The following SELENBP1 variants were observed in gnomAD, a reference collection of about 807,000 sequenced individuals.
The protein encoded by SELENBP1 is methanethiol oxidase.
Under a neutral mutation model 61.0 loss-of-function variants are expected in SELENBP1, and 71 were observed. That is an observed-to-expected ratio of 1.16 (90% CI 0.96 to 1.42). The LOEUF (loss-of-function observed/expected upper bound fraction) is 1.42, where lower values mean the gene tolerates loss of function less well. SELENBP1 is among the 40% of genes most tolerant of loss of function. SELENBP1 has a pLI of 0.00. For synonymous variants in SELENBP1, 270 were observed against 238.9 expected (o/e 1.13, Z -1.20); for missense variants, 561 against 605.0 (o/e 0.93, Z 0.76).
At chr1:151,371,152 G>A (rs982721319) in intron 1 of SELENBP1, among the ~76,000 whole-genome samples, 6 of 152,180 alleles carry the variant, frequency 3.9e-5, no homozygotes, top group African/African-American at 1.4e-4. Flanking sequence ...GGGAGGCTGA[G>A]GCGGAAAGAT....
chr1:151,366,009 G>A (rs1368880312), intron 7 of SELENBP1, 163 bp from the exon 8 acceptor site: 6 of 783,076 alleles, frequency 7.7e-6, no homozygotes, highest in African/African-American at 1.7e-5. Flanking sequence ...CTTGAGGCAG[G>A]GGTTGTGTCT....
chr1:151,369,463 G>A lies in SELENBP1; in HGVS notation c.153C>T (p.Pro51=), dbSNP rs755261394. 6.2e-6 allele frequency: 10 copies of A among 1,612,580 alleles called. No homozygotes were observed. The Admixed American group carries it at 1.7e-4, about 27-fold the overall frequency. Residue 51 remains proline (P), a synonymous_variant, in exon 3 of 12, where the codon CCC becomes CCT. Coordinates refer to ENST00000368868, the MANE Select transcript of SELENBP1 (RefSeq NM_003944.4). ...TAACCTGGCAATACTGGGGAGACTT[G>A]GGGTCAACATCCACAGTGGCCAGAT... ...PDYLATVDVD[P]KSPQYCQVIH... is the part of the protein sequence containing the mutation.
chr1:151,367,145 T>C (rs1456253713), intron 5 of SELENBP1: 3 of 961,416 alleles, frequency 3.1e-6, no homozygotes. Flanking sequence ...GAGTTCAGGA[T>C]CAGCCTGGCC....
chr1:151,365,910 T>G lies in SELENBP1; in HGVS notation c.844-64A>C. 3.8e-6 allele frequency: 6 copies of G among 1,570,754 alleles called. No homozygotes were observed. In the Admixed American group the frequency reaches 1.0e-4, roughly 27 times the overall value. On this transcript the variant is annotated intron_variant, in intron 7 of 11. Transcript: ENST00000368868. ...AGGTCAGCCTATCAGAATTGGGGACTAGGGGTTAGATCTGGGTTGCCCAGA... is the reference window on the plus strand; with the variant it reads ...AGGTCAGCCTATCAGAATTGGGGACGAGGGGTTAGATCTGGGTTGCCCAGA...
In SELENBP1 at chr1:151,366,829, A is replaced by G. The variant is rs778791163; in HGVS notation, c.557T>C (p.Leu186Ser). Residue 186 changes from leucine (L) to serine (S), a missense_variant, in exon 6 of 12, where the codon TTG becomes TCG. By Grantham distance (145) the Leu-to-Ser change is moderately radical. Transcript: ENST00000368868. ...TWERPGGAAP[L>S]GYDFWYQPRH... The stretch of plus-strand genomic sequence containing the variant: ...AGGCTGGTACCAGAAGTCATAGCCC[A>G]ACGGTGCAGCACCCCCAGGTCTCTC... The G allele has an allele frequency of 6.2e-7, 1 of 1,614,124 alleles. No individual in the cohort carries two copies. The highest frequency in any genetic ancestry group is 1.7e-5 in the Admixed American group (1 of 60,014).
At position 151,365,638 on chromosome 1, in the gene SELENBP1, G is replaced by A. The variant is rs1160428144; in HGVS notation, c.969C>T (p.Tyr323=). ...GGTCCCCATGCAGCCAGTTGCTGAAGTAGAGGAAGCGGTCGTCCAGGGAGA... is the reference window on the plus strand; with the variant it reads ...GGTCCCCATGCAGCCAGTTGCTGAAATAGAGGAAGCGGTCGTCCAGGGAGA... ...ILLSLDDRFL[Y]FSNWLHGDLR... The change falls in exon 9 of 12, where the codon TAC becomes TAT. Residue 323 remains tyrosine (Y), a synonymous_variant. Transcript: ENST00000368868. 1.2e-6 allele frequency: 2 copies of A among 1,614,098 alleles called. No individual in the cohort carries two copies. The highest frequency in any genetic ancestry group is 1.7e-5 in the Admixed American group (1 of 60,008).
rs1012657750 is a variant in SELENBP1, at chr1:151,368,294, G to A, written c.386C>T (p.Ala129Val). ...GTGGAGAAAGGCCAGTTCGCACTTGGCATGGATGTCCTTGGGCTCAATGAC... is the reference window on the plus strand; with the variant it reads ...GTGGAGAAAGGCCAGTTCGCACTTGACATGGATGTCCTTGGGCTCAATGAC... ...HKVIEPKDIH[A>V]KCELAFLHTS... Residue 129 changes from alanine (A) to valine (V), a missense_variant, in exon 5 of 12, where the codon GCC becomes GTC. Physicochemically the swap from Ala to Val is moderately conservative, Grantham distance 64. Coordinates refer to ENST00000368868, the MANE Select transcript of SELENBP1 (RefSeq NM_003944.4). 1.9e-6 allele frequency: 3 copies of A among 1,614,208 alleles called. No individual in the cohort carries two copies. The East Asian group carries it at 6.7e-5, about 36-fold the overall frequency.
Position 151,365,260 on chromosome 1 carries a change from C to A in SELENBP1, c.1066G>T (p.Val356Phe). The change falls in exon 10 of 12, where the codon GTT (valine) becomes TTT (phenylalanine). Residue 356 changes from valine to phenylalanine, a missense_variant. Transcript: ENST00000368868. ...TGQLFLGGSIVKGGPVQVLED... is the reference protein window; with the variant it reads ...TGQLFLGGSIFKGGPVQVLED... ...AGCACTTGCACAGGGCCTCCCTTAA[C>A]AATGCTGCCTCCGAGGAAGAGCTAG... 1.2e-6 allele frequency: 2 copies of A among 1,613,058 alleles called. No individual in the cohort carries two copies. Among genetic ancestry groups the A allele is most frequent in the Non-Finnish European group, 1.7e-6 (2 of 1,179,558 alleles).
chr1:151,370,008 C>T, intron 1 of SELENBP1: 1 of 1,440,816 alleles, frequency 6.9e-7, no homozygotes, highest in South Asian at 1.5e-5. Flanking sequence ...CCAGCAGGGC[C>T]CCGGGAGGGT....
At chr1:151,372,019 G>A (rs1489507683) in intron 1 of SELENBP1, among the ~76,000 whole-genome samples, 1 of 137,952 alleles carries the variant, frequency 7.2e-6, no homozygotes, top group Non-Finnish European at 1.7e-5. Context: ...CCCCGAGCGG[G>A]GAAGGACCTC....
chr1:151,369,583 C>T lies in SELENBP1; in HGVS notation c.62-29G>A, dbSNP rs12031439. ...CACGGTAGAAAGCAGGCAGCAGGGA[C>T]GGCAGGGTGGGAAGGAAAGGTAGGG... On this transcript the variant is annotated intron_variant, in intron 2 of 11. Transcript: ENST00000368868. 2.9e-4 allele frequency: 459 copies of T among 1,580,428 alleles called. 2 individuals carry two copies. In the East Asian group the frequency reaches 8.8e-3, roughly 30 times the overall value.
chr1:151,370,142 C>T (rs1652072271), intron 1 of SELENBP1: 1 of 570,818 alleles, frequency 1.8e-6, no homozygotes. Context: ...GCTCCTCGAC[C>T]TCAATTTCTG....
rs752380696 is a variant in SELENBP1 at position 151,364,724 on chromosome 1, G to A, written c.1257-19C>T. On this transcript the variant is annotated intron_variant, in intron 11 of 11. Transcript: ENST00000368868. The stretch of plus-strand genomic sequence containing the variant: ...GCCTTCCCTGGTGGAAAAGGGAATG[G>A]GGTAAGGGAGAGGTCAGAGGTGGCT... 17 of 1,560,340 alleles carry A rather than the reference G, an allele frequency of 1.1e-5. No individual in the cohort carries two copies. Among genetic ancestry groups the A allele is most frequent in the Non-Finnish European group, 1.4e-5 (16 of 1,153,152 alleles).
In SELENBP1 at chr1:151,365,977, G is replaced by A. The variant is rs535192659; in HGVS notation, c.844-131C>T. ...TAGATGCCCGGCCTTCTTGCCAGCA[G>A]GATCTAACTCCATGCAAGCCCCTTG... On this transcript the variant is annotated intron_variant, in intron 7 of 11. Transcript: ENST00000368868. 104 of 978,790 alleles carry A rather than the reference G, an allele frequency of 1.1e-4. No individual in the cohort carries two copies. The African/African-American group carries it at 1.4e-3, about 13-fold the overall frequency. The allele number at this position is 978,790 out of a possible 1,614,324, so 60.6% of individuals were successfully genotyped here. A position where few individuals can be genotyped will look rare whatever the true frequency, so the allele number is the denominator to read the frequency against.
intron 3 of SELENBP1, 92 bp downstream of exon 3, chr1:151,369,350 C>A: frequency 2.1e-6 from 3 of 1,430,124 alleles, no homozygotes; most frequent in Non-Finnish European, 2.9e-6. Flanking sequence ...CCAGGGAGGG[C>A]CAAGAAGGAT....
In SELENBP1 at chr1:151,364,997, A is replaced by T; in HGVS notation, c.1185T>A (p.Asp395Glu). The T allele has an allele frequency of 6.2e-7, 1 of 1,612,918 alleles. No individual in the cohort carries two copies. The highest frequency in any genetic ancestry group is 2.2e-5 in the East Asian group (1 of 44,846). Residue 395 changes from aspartate (D) to glutamate (E), a missense_variant, in exon 11 of 12, where the codon GAT becomes GAA. Coordinates refer to ENST00000368868, the MANE Select transcript of SELENBP1 (RefSeq NM_003944.4). ...GGPQMIQLSL[D>E]GKRLYITTSL... The stretch of plus-strand genomic sequence containing the variant: ...ACGTGGTGATGTAGAGGCGCTTCCC[A>T]TCCAGGCTGAGCTGGATCATCTGAG...
rs981535341 is a variant in SELENBP1 at position 151,366,347 on chromosome 1, G to A, written c.771C>T (p.His257=). ...GLIPLEIRFL[H]NPDAAQGFVG... ...CAAAGCCTTGGGCAGCGTCTGGGTT[G>A]TGCAGGAAGCGGATCTCCAAGGGAA... Residue 257 remains histidine, a synonymous_variant, in exon 7 of 12, where the codon CAC becomes CAT. Transcript: ENST00000368868. 6.2e-7 allele frequency: 1 copy of A among 1,614,202 alleles called. No individual in the cohort carries two copies. Among genetic ancestry groups the A allele is most frequent in the Middle Eastern group, 1.7e-4 (1 of 6,058 alleles).
rs755893634 is a variant in SELENBP1 at position 151,364,726 on chromosome 1, G to A, written c.1257-21C>T. On this transcript the variant is annotated intron_variant, in intron 11 of 11. Transcript: ENST00000368868. Reference sequence around the variant, plus strand: ...CTTCCCTGGTGGAAAAGGGAATGGGGTAAGGGAGAGGTCAGAGGTGGCTGC... The same window carrying A: ...CTTCCCTGGTGGAAAAGGGAATGGGATAAGGGAGAGGTCAGAGGTGGCTGC... 8.3e-6 allele frequency: 13 copies of A among 1,560,670 alleles called. No homozygotes were observed. The South Asian group carries it at 8.6e-5, about 10-fold the overall frequency.
Position 151,366,873 on chromosome 1 carries a change from G to C in SELENBP1, c.513C>G (p.Phe171Leu), listed in dbSNP as rs767636146. Residue 171 changes from phenylalanine (F) to leucine (L), a missense_variant, in exon 6 of 12, where the codon TTC becomes TTG. Coordinates refer to ENST00000368868, the MANE Select transcript of SELENBP1 (RefSeq NM_003944.4). ...GTCTCTCCCATGTCCCCTTCACCTCGAACGTCTCCCCATCCAGCAGCACAA... is the reference window on the plus strand; with the variant it reads ...GTCTCTCCCATGTCCCCTTCACCTCCAACGTCTCCCCATCCAGCAGCACAA... The part of the protein sequence containing the change: ...GGFVLLDGET[F>L]EVKGTWERPG... The C allele has an allele frequency of 6.2e-7, 1 of 1,613,924 alleles. No homozygotes were observed. The highest frequency in any genetic ancestry group is 8.5e-7 in the Non-Finnish European group (1 of 1,180,004).
Sources: allele counts gnomAD v4.1 joint callset (sites outside exome capture counted in the v4.1 genomes callset), GRCh38; gene constraint gnomAD v4.1.1; transcripts MANE v1.5; gene names NCBI Gene and HGNC (gene_info 2026-07-23, HGNC 2026-07-21).